The following SEC13 variants were observed in gnomAD, a reference collection of about 807,000 sequenced individuals.
The protein encoded by SEC13 is SEC13 homolog, nuclear pore and COPII component, also known as protein SEC13 homolog.
In SEC13, 25 loss-of-function variants were observed where a neutral mutation model predicts 49.2. The observed-to-expected ratio is 0.51, with a 90% confidence interval of 0.37 to 0.71. The LOEUF is 0.71. SEC13 is among the 30% of genes least tolerant of loss of function. The pLI is 0.00. For missense variants in SEC13, 383 were observed against 417.6 expected, an observed-to-expected ratio of 0.92 and a Z score of 0.72; for synonymous variants, 148 against 163.9, an observed-to-expected ratio of 0.90 and a Z score of 0.74.
chr3:10,319,967 A>C, intron 1 of SEC13, among the ~76,000 whole-genome samples: 1 of 46,616 alleles, frequency 2.1e-5, no homozygotes, highest in African/African-American at 8.9e-5. Flanking sequence ...AGGGAGAGGA[A>C]GGGGGGAGGG....
At chr3:10,304,257 G>C (rs781725578) in intron 7 of SEC13, 85 bp from the exon 8 acceptor site, 1 of 1,407,384 alleles carries the variant, frequency 7.1e-7, no homozygotes, top group African/African-American at 1.4e-5. Flanking sequence ...AGAGCCACCC[G>C]GCACCTCTCT....
In SEC13 at chr3:10,300,968, CA is replaced by C; in HGVS notation, c.*292del. On this transcript the variant is annotated 3_prime_UTR_variant, in exon 9 of 9. Coordinates refer to ENST00000350697, the MANE Select transcript of SEC13 (RefSeq NM_183352.3). ...TGACTTTATTTAGTTCCTTTGGAAA[CA>C]AAACCCCCCAAATAATGCCTGAACC... 1 of 1,061,736 alleles carries C rather than the reference CA, an allele frequency of 9.4e-7. No homozygotes were observed. The highest frequency in any genetic ancestry group is 1.4e-6 in the Non-Finnish European group (1 of 719,736). 65.8% of individuals were successfully genotyped at this position (1,061,736 alleles called of 1,614,324 possible). A position where few individuals can be genotyped will look rare whatever the true frequency, so the allele number is the denominator to read the frequency against.
chr3:10,309,330 T>C (rs781436688), intron 5 of SEC13, among the ~76,000 whole-genome samples: 14 of 152,204 alleles, frequency 9.2e-5, no homozygotes, highest in Non-Finnish European at 1.9e-4. Context: ...CTTTTTGGTA[T>C]TCTGTTTTCC....
At chr3:10,302,226 A>AGACTC (rs1223354390) in intron 8 of SEC13, among the ~76,000 whole-genome samples, 2 of 152,246 alleles carry the variant, frequency 1.3e-5, no homozygotes, top group Admixed American at 1.3e-4. Context: ...CGACAGAGCG[A>AGACTC]GACTCGATCT....
At chr3:10,320,820 A>G (rs1048148496) in intron 1 of SEC13, 4 of 1,328,038 alleles carry the variant, frequency 3.0e-6, no homozygotes, top group Non-Finnish European at 3.8e-6. Context: ...GACTGGCAGG[A>G]GACGCAGGAG....
intron 1 of SEC13, chr3:10,319,003 C>T (rs1404740248): frequency 1.4e-5 from 11 of 795,988 alleles, no homozygotes; most frequent in South Asian, 1.1e-4. Flanking sequence ...AGGAACTCAG[C>T]GACTATTTGC....
Position 10,321,053 on chromosome 3 carries a change from G to A in SEC13, c.-1C>T, listed in dbSNP as rs1268415514. 6.2e-7 allele frequency: 1 copy of A among 1,613,388 alleles called. No homozygotes were observed. Among genetic ancestry groups the A allele is most frequent in the Admixed American group, 1.7e-5 (1 of 59,992 alleles). ...CCTCCTCAGTACCAACACTCACCAT[G>A]ATTGCGGCGGTGGCTGCTCCAGGTC... On this transcript the variant is annotated 5_prime_UTR_variant, in exon 1 of 9. Transcript: ENST00000350697. This position sits in a 1 kb window ranked among gnomAD's most constrained non-coding sequence, Gnocchi z 4.1.
chr3:10,319,360 C>A, intron 1 of SEC13: 2 of 1,463,032 alleles, frequency 1.4e-6, no homozygotes, highest in African/African-American at 1.4e-5. Context: ...CTCCATGTGC[C>A]GAGCTGTATA....
At chr3:10,317,687 G>C (rs962975785) in intron 2 of SEC13, among the ~76,000 whole-genome samples, 4 of 152,028 alleles carry the variant, frequency 2.6e-5, no homozygotes, top group African/African-American at 4.8e-5. Context: ...TTCCAGTGGG[G>C]CTAAGAAGTG....
chr3:10,314,272 T>C (rs1039211641), intron 3 of SEC13, among the ~76,000 whole-genome samples: 2 of 152,230 alleles, frequency 1.3e-5, no homozygotes, highest in Admixed American at 1.3e-4. Context: ...TGAGCCACCT[T>C]GCCCAGCCTG....
intron 5 of SEC13, among the ~76,000 whole-genome samples, chr3:10,309,575 C>A (rs1240657453): frequency 2.6e-5 from 4 of 152,072 alleles, no homozygotes; most frequent in Admixed American, 2.6e-4. Flanking sequence ...CACCTTATTT[C>A]TGATTTTTAA....
At position 10,316,600 on chromosome 3, in the gene SEC13, CT is replaced by C. The variant is rs559113601; in HGVS notation, c.49-1165del. On this transcript the variant is annotated intron_variant, in intron 2 of 8. Transcript: ENST00000350697. ...GCAAACTTTGAAAACACTTCATCTCCTTGAGCTTCAGTTTCCTTATCTTTAT... is the reference window on the plus strand; with the variant it reads ...GCAAACTTTGAAAACACTTCATCTCCTGAGCTTCAGTTTCCTTATCTTTAT... 3.2e-3 allele frequency among the ~76,000 whole-genome samples: 486 copies of C among 152,302 alleles called. 2 individuals are homozygous for C. The highest frequency in any genetic ancestry group is 0.011 in the African/African-American group (470 of 41,556).
chr3:10,312,861 C>A (rs1436109851), intron 3 of SEC13, 131 bp from the exon 4 acceptor site: 3 of 886,760 alleles, frequency 3.4e-6, no homozygotes, highest in Non-Finnish European at 3.4e-6. Context: ...GAGAACTATA[C>A]AATGCCATTG....
chr3:10,318,726 T>G (rs1383538830), intron 1 of SEC13, among the ~76,000 whole-genome samples: 2 of 152,212 alleles, frequency 1.3e-5, no homozygotes, highest in African/African-American at 4.8e-5. Flanking sequence ...GTTGAACAGT[T>G]TGTAGGGCTG....
chr3:10,305,573 G>A lies in SEC13; in HGVS notation c.570C>T (p.Leu190=). 1 of 1,613,992 alleles carries A rather than the reference G, an allele frequency of 6.2e-7. No homozygotes were observed. ...KRFASGGCDN[L]IKLWKEEEDG... ...TCCCTACTTACTTCCACAGCTTGATGAGGTTGTCACAGCCACCTGATGCAA... is the reference window on the plus strand; with the variant it reads ...TCCCTACTTACTTCCACAGCTTGATAAGGTTGTCACAGCCACCTGATGCAA... The change falls in exon 6 of 9, where the codon CTC becomes CTT. Residue 190 remains leucine (L), a synonymous_variant. Transcript: ENST00000350697.
chr3:10,317,762 G>C (rs774690067), intron 2 of SEC13, among the ~76,000 whole-genome samples: 2 of 152,036 alleles, frequency 1.3e-5, no homozygotes, highest in African/African-American at 4.8e-5. Context: ...GCCTTCATCC[G>C]AGAGCAGGTT....
intron 5 of SEC13, among the ~76,000 whole-genome samples, chr3:10,311,042 A>C (rs1270252247): frequency 1.4e-5 from 2 of 147,978 alleles, no homozygotes; most frequent in South Asian, 4.4e-4. Flanking sequence ...AAAAAAAAAA[A>C]CAACTCCCAG....
chr3:10,313,528 G>A, intron 3 of SEC13: 1 of 456,976 alleles, frequency 2.2e-6, no homozygotes, highest in Non-Finnish European at 4.7e-6. Flanking sequence ...ATACCCATTA[G>A]CTATTAGTGC....
chr3:10,307,370 G>A (rs1213967602), intron 5 of SEC13, among the ~76,000 whole-genome samples: 1 of 151,976 alleles, frequency 6.6e-6, no homozygotes, highest in Non-Finnish European at 1.5e-5. Context: ...CACCACGCCT[G>A]GCTAATTTTT....
Sources: allele counts gnomAD v4.1 joint callset (sites outside exome capture counted in the v4.1 genomes callset), GRCh38; gene constraint gnomAD v4.1.1; non-coding constraint Gnocchi (gnomAD v3.1); transcripts MANE v1.5; gene names NCBI Gene and HGNC (gene_info 2026-07-23, HGNC 2026-07-21).